The following RAB27B variants were observed in gnomAD, a reference collection of about 807,000 sequenced individuals.
RAB27B encodes the protein ras-related protein Rab-27B.
Under a neutral mutation model 24.6 loss-of-function variants are expected in RAB27B, and 15 were observed. That is an observed-to-expected ratio of 0.61 (90% CI 0.41 to 0.94). The LOEUF is 0.94. RAB27B is among the 40% of genes least tolerant of loss of function. The pLI, the probability that RAB27B is intolerant of heterozygous loss-of-function variation, is 0.00. For missense variants in RAB27B, 261 were observed against 266.8 expected (o/e 0.98, Z 0.15); for synonymous variants, 105 against 92.5 (o/e 1.14, Z -0.78).
intron 4 of RAB27B, chr18:54,885,847 C>T: frequency 6.4e-6 from 1 of 155,846 alleles, no homozygotes; most frequent in South Asian, 1.9e-4. Flanking sequence ...GGGGAGGACT[C>T]AGGAAACTTA....
intron 2 of RAB27B, among the ~76,000 whole-genome samples, chr18:54,821,671 A>G (rs564398965): frequency 1.3e-5 from 2 of 152,254 alleles, no homozygotes; most frequent in South Asian, 4.1e-4. Flanking sequence ...GTTTATTGAC[A>G]TTATTTCCCA....
intron 2 of RAB27B, among the ~76,000 whole-genome samples, chr18:54,796,683 G>A (rs185563082): frequency 2.1e-3 from 315 of 152,236 alleles, no homozygotes; most frequent in East Asian, 0.012. Flanking sequence ...GTGTGTGCCC[G>A]CTAAGGTCTT....
chr18:54,815,370 C>T (rs1312312270), intron 2 of RAB27B, among the ~76,000 whole-genome samples: 1 of 152,176 alleles, frequency 6.6e-6, no homozygotes, highest in Non-Finnish European at 1.5e-5. Context: ...TGTCAGACTT[C>T]TCAGCTTTCA....
rs1441907474 is a variant in RAB27B, at chr18:54,740,528, A to G, written c.-20+22387A>G. Among the ~76,000 whole-genome samples the G allele has an allele frequency of 2.6e-5, 4 of 152,208 alleles. No individual in the cohort carries two copies. The East Asian group carries it at 7.7e-4, about 29-fold the overall frequency. ...ACCTTCTTTCCAATGTTTTATTTAT[A>G]GGATACCTGCCTGAGTTTCCACAGC... On this transcript the variant is annotated intron_variant, in intron 2 of 4. Coordinates refer to the RAB27B transcript ENST00000586570.
At chr18:54,877,161 A>C (rs1250548431) in intron 1 of RAB27B, among the ~76,000 whole-genome samples, 1 of 152,050 alleles carries the variant, frequency 6.6e-6, no homozygotes, top group Non-Finnish European at 1.5e-5. Context: ...CTGAGCTCTC[A>C]TTCTCTCTCT....
chr18:54,728,153 A>AT (rs1239396108), intron 2 of RAB27B, among the ~76,000 whole-genome samples: 2 of 152,186 alleles, frequency 1.3e-5, no homozygotes, highest in African/African-American at 4.8e-5. Flanking sequence ...AGAGCTTTGA[A>AT]TAGGAACACA....
rs1362477186 is a variant in RAB27B at position 54,892,190 on chromosome 18, G to C, written c.*2777G>C. 2.0e-5 allele frequency: 3 copies of C among 152,056 alleles called. No individual in the cohort carries two copies. The highest frequency in any genetic ancestry group is 4.4e-5 in the Non-Finnish European group (3 of 67,978). The allele number at this position is 152,056 out of a possible 1,614,324, so 9.4% of individuals were successfully genotyped here. A position where few individuals can be genotyped will look rare whatever the true frequency, so the allele number is the denominator to read the frequency against. On this transcript the variant is annotated 3_prime_UTR_variant, in exon 6 of 6. Coordinates refer to ENST00000262094, the MANE Select transcript of RAB27B (RefSeq NM_004163.4). ...TTAGTAAAACGTATTTAGGAGAAAT[G>C]TTGAAAATGTACATGAAGCTCCTTT...
In RAB27B at chr18:54,724,626, G is replaced by A. The variant is rs193073654; in HGVS notation, c.-20+6485G>A. 6.7e-3 allele frequency among the ~76,000 whole-genome samples: 995 copies of A among 149,522 alleles called. 32 individuals carry two copies. The highest frequency in any genetic ancestry group is 9.2e-3 in the Non-Finnish European group (618 of 67,042). The stretch of plus-strand genomic sequence containing the variant: ...GAGGTGGGAGAATTGCTTGAACCTG[G>A]GAGACGAAGGTTGCAGTGAGCCGAG... On this transcript the variant is annotated intron_variant, in intron 2 of 4. Coordinates refer to the RAB27B transcript ENST00000586570.
chr18:54,753,909 G>C (rs948140971), intron 2 of RAB27B, among the ~76,000 whole-genome samples: 13 of 152,240 alleles, frequency 8.5e-5, no homozygotes, highest in African/African-American at 3.1e-4. Context: ...TATACCAGCA[G>C]ACCCAACTGT....
At chr18:54,761,154 A>C (rs1188254280) in intron 2 of RAB27B, among the ~76,000 whole-genome samples, 2 of 152,170 alleles carry the variant, frequency 1.3e-5, no homozygotes, top group African/African-American at 2.4e-5. Flanking sequence ...GCTTAAATTG[A>C]TACCAGAGCA....
At position 54,721,317 on chromosome 18, in the gene RAB27B, C is replaced by T. The variant is rs184749738; in HGVS notation, c.-20+3176C>T. 1.9e-3 allele frequency among the ~76,000 whole-genome samples: 283 copies of T among 152,206 alleles called. 1 individual carries two copies. The highest frequency in any genetic ancestry group is 4.0e-3 in the Admixed American group (61 of 15,272). ...CTATAACTGATGTGAACATGGGAGA[C>T]GATTAATATACCTTCACTCCTTTTC... On this transcript the variant is annotated intron_variant, in intron 2 of 4. Coordinates refer to the RAB27B transcript ENST00000586570.
At chr18:54,781,291 G>A (rs1450290531) in intron 2 of RAB27B, among the ~76,000 whole-genome samples, 1 of 151,974 alleles carries the variant, frequency 6.6e-6, no homozygotes, top group Non-Finnish European at 1.5e-5. Context: ...CTTAGTGTCG[G>A]TTTTCTCTGA....
intron 1 of RAB27B, among the ~76,000 whole-genome samples, chr18:54,867,592 G>A (rs766668134): frequency 9.9e-5 from 15 of 151,864 alleles, no homozygotes; most frequent in South Asian, 2.1e-4. Flanking sequence ...GATTACAGGC[G>A]CGTGCCACCA....
At chr18:54,774,875 C>T (rs540950925) in intron 2 of RAB27B, among the ~76,000 whole-genome samples, 12 of 152,346 alleles carry the variant, frequency 7.9e-5, no homozygotes, top group African/African-American at 1.9e-4. Context: ...CCTCCCCTCA[C>T]GGGATCAGAG....
intron 1 of RAB27B, among the ~76,000 whole-genome samples, chr18:54,876,235 G>T (rs890315768): frequency 6.6e-6 from 1 of 152,132 alleles, no homozygotes; most frequent in Admixed American, 6.5e-5. Context: ...CCACCCCCAT[G>T]ATTCAATTAC....
At chr18:54,741,048 G>A (rs1325741152) in intron 2 of RAB27B, among the ~76,000 whole-genome samples, 1 of 152,110 alleles carries the variant, frequency 6.6e-6, no homozygotes, top group Non-Finnish European at 1.5e-5. Context: ...CGGAAGTCAT[G>A]GATACTAAAT....
chr18:54,770,838 G>T (rs1186712092), intron 2 of RAB27B, among the ~76,000 whole-genome samples: 1 of 151,870 alleles, frequency 6.6e-6, no homozygotes, highest in African/African-American at 2.4e-5. Flanking sequence ...TTTTCTGCAG[G>T]TCTTTTTATT....
chr18:54,846,702 C>G (rs968598621), intron 1 of RAB27B, among the ~76,000 whole-genome samples: 2 of 152,122 alleles, frequency 1.3e-5, no homozygotes, highest in Admixed American at 1.3e-4. Context: ...AAGGCTAAAG[C>G]AAATATATCA....
At chr18:54,884,464 G>A in intron 4 of RAB27B, 28 bp downstream of exon 4, 2 of 1,465,770 alleles carry the variant, frequency 1.4e-6, no homozygotes, top group Non-Finnish European at 1.9e-6. Context: ...ATGTGCATTG[G>A]CCGCTTTGGG....
Sources: gnomAD v4.1 joint callset for allele counts (sites outside exome capture counted in the v4.1 genomes callset) on GRCh38, gnomAD v4.1.1 for gene constraint, MANE v1.5 for transcripts, NCBI Gene and HGNC (gene_info 2026-07-23, HGNC 2026-07-21) for gene names.